Variants in TAB2 observed in about 807,000 individuals in gnomAD.
TAB2 encodes the protein TGF-beta activated kinase 1 (MAP3K7) binding protein 2.
A neutral mutation model predicts 65.0 loss-of-function variants in TAB2; 3 were observed. The ratio of observed to expected loss-of-function variants is 0.05; its 90% confidence interval spans 0.02 to 0.12. The LOEUF is 0.12. Ranked by LOEUF, TAB2 falls within the 10% of genes least tolerant of loss-of-function variation. The pLI is 1.00. For synonymous variants in TAB2, 298 were observed against 285.1 expected, an observed-to-expected ratio of 1.05 and a Z score of -0.46; for missense variants, 623 against 840.3, an observed-to-expected ratio of 0.74 and a Z score of 3.20.
intron 1 of TAB2, among the ~76,000 whole-genome samples, chr6:149,328,200 AT>A (rs752096490): frequency 2.6e-5 from 4 of 152,244 alleles, no homozygotes; most frequent in Non-Finnish European, 4.4e-5. Flanking sequence ...CATAGAGCGT[AT>A]TTCATATGTC....
intron 1 of TAB2, among the ~76,000 whole-genome samples, chr6:149,229,259 G>GT (rs1236201682): frequency 6.6e-6 from 1 of 152,140 alleles, no homozygotes; most frequent in Non-Finnish European, 1.5e-5. Context: ...AAAACATGCA[G>GT]TGTCAGTAAC....
chr6:149,289,779 C>T (rs964664465), intron 1 of TAB2, among the ~76,000 whole-genome samples: 9 of 152,186 alleles, frequency 5.9e-5, no homozygotes, highest in Non-Finnish European at 1.2e-4. Flanking sequence ...CTAAGTTGGT[C>T]GGGCTACAAC....
intron 1 of TAB2, chr6:149,247,808 C>T (rs1777755176): frequency 1.3e-5 from 2 of 152,194 alleles, no homozygotes; most frequent in South Asian, 2.1e-4. Context: ...AAACCCTGGG[C>T]CACGGAACCG....
At position 149,409,897 on chromosome 6, in the gene TAB2, T is replaced by C; in HGVS notation, c.*178T>C. The C allele has an allele frequency of 2.9e-6, 2 of 701,182 alleles. No individual in the cohort carries two copies. The highest frequency in any genetic ancestry group is 3.6e-5 in the African/African-American group (2 of 55,988). The allele number at this position is 701,182 out of a possible 1,614,324, so 43.4% of individuals were successfully genotyped here. On this transcript the variant is annotated 3_prime_UTR_variant, in exon 7 of 7. Coordinates refer to ENST00000637181, the MANE Select transcript of TAB2 (RefSeq NM_001292034.3). Reference sequence around the variant, plus strand: ...CTAATAATACCTCAGTATAATGTCATGAGCAGTTGAAATTCATCACATGAA... The same window carrying C: ...CTAATAATACCTCAGTATAATGTCACGAGCAGTTGAAATTCATCACATGAA...
In TAB2 at chr6:149,321,262, C is replaced by T. The variant is rs573243011; in HGVS notation, c.-90+3247C>T. ...AAATTATATAGAATTTAAATGTATG[C>T]ATGTTCATATGTTTTTGCCTCTGGC... On this transcript the variant is annotated intron_variant, in intron 1 of 6. Transcript: ENST00000637181. The T allele has an allele frequency of 2.0e-5, 3 of 152,236 alleles. No homozygotes were observed. In the South Asian group the frequency reaches 6.2e-4, roughly 32 times the overall value. 9.4% of individuals were successfully genotyped at this position (152,236 alleles called of 1,614,324 possible).
At chr6:149,366,365 A>G (rs1781040415) in intron 1 of TAB2, among the ~76,000 whole-genome samples, 1 of 152,142 alleles carries the variant, frequency 6.6e-6, no homozygotes, top group Non-Finnish European at 1.5e-5. Context: ...TTGGAGATCA[A>G]AGATAAATAC....
rs1326088665 is a variant in TAB2 at position 149,409,625 on chromosome 6, A to G, written c.1988A>G (p.Asp663Gly). Residue 663 changes from aspartate (D) to glycine (G), a missense_variant, in exon 7 of 7, where the codon GAT becomes GGT. Transcript: ENST00000637181. ...KTPKTQDTEDDEGAQWNCTAC... is the reference protein window; with the variant it reads ...KTPKTQDTEDGEGAQWNCTAC... ...CCAAAGACTCAAGACACAGAAGATG[A>G]TGAGGGAGCTCAGTGGAATTGTACC... is the stretch of plus-strand genomic sequence containing the variant. 3.7e-6 allele frequency: 6 copies of G among 1,614,006 alleles called. No individual in the cohort carries two copies. In the African/African-American group the frequency reaches 4.0e-5, roughly 11 times the overall value.
chr6:149,379,891 T>G (rs1042942452), intron 3 of TAB2: 7 of 453,548 alleles, frequency 1.5e-5, no homozygotes, highest in African/African-American at 1.0e-4. Context: ...AGCAACTAGT[T>G]GACTCTCTTG....
chr6:149,232,492 G>A (rs1318648633), intron 1 of TAB2, among the ~76,000 whole-genome samples: 1 of 152,156 alleles, frequency 6.6e-6, no homozygotes, highest in African/African-American at 2.4e-5. Flanking sequence ...CTCTCCAAGT[G>A]TTGAGATTAC....
At chr6:149,358,531 C>T (rs1341190281) in intron 1 of TAB2, among the ~76,000 whole-genome samples, 1 of 152,054 alleles carries the variant, frequency 6.6e-6, no homozygotes, top group Non-Finnish European at 1.5e-5. Context: ...TAGATTATGG[C>T]TCTTTTCTCT....
chr6:149,362,372 G>T (rs1262062047), intron 1 of TAB2, among the ~76,000 whole-genome samples: 3 of 152,160 alleles, frequency 2.0e-5, no homozygotes, highest in African/African-American at 7.2e-5. Flanking sequence ...GGGGAACCTG[G>T]ATATCACATA....
chr6:149,265,647 GA>G (rs2114671288), intron 1 of TAB2, among the ~76,000 whole-genome samples: 1 of 152,256 alleles, frequency 6.6e-6, no homozygotes, highest in East Asian at 1.9e-4. Context: ...AGAATAAAGG[GA>G]CTATAACAGG....
intron 1 of TAB2, among the ~76,000 whole-genome samples, chr6:149,225,471 T>C (rs1777249061): frequency 1.3e-5 from 2 of 152,116 alleles, no homozygotes; most frequent in Admixed American, 1.3e-4. Context: ...TAGTCCAAGG[T>C]TTTTTGACAT....
At chr6:149,255,147 G>T (rs1777992235) in intron 1 of TAB2, 1 of 152,218 alleles carries the variant, frequency 6.6e-6, no homozygotes, top group African/African-American at 2.4e-5. Context: ...GCCTTTGGAA[G>T]GTAATTACGT....
intron 1 of TAB2, among the ~76,000 whole-genome samples, chr6:149,249,447 T>C (rs1219413261): frequency 1.3e-5 from 2 of 152,132 alleles, no homozygotes; most frequent in Non-Finnish European, 2.9e-5. Context: ...CATCTCTGTC[T>C]CTCTCTGTCT....
At chr6:149,398,489 A>G (rs992298796) in intron 5 of TAB2, among the ~76,000 whole-genome samples, 2 of 152,192 alleles carry the variant, frequency 1.3e-5, no homozygotes, top group African/African-American at 4.8e-5. Context: ...ACCAAAAGAG[A>G]AGTCTTTAAT....
In TAB2 at chr6:149,411,506, C is replaced by T. The variant is rs933172228; in HGVS notation, c.*1787C>T. ...GTTTTTACTTGTTTTATTAATAAAA[C>T]GTAATTTGGATATCTTGAGTTGATG... is the stretch of plus-strand genomic sequence containing the variant. On this transcript the variant is annotated 3_prime_UTR_variant, in exon 7 of 7. Transcript: ENST00000637181. 1.8e-4 allele frequency: 28 copies of T among 152,788 alleles called. No individual in the cohort carries two copies. Among genetic ancestry groups the T allele is most frequent in the African/African-American group, 6.8e-4 (28 of 41,372 alleles). The allele number at this position is 152,788 out of a possible 1,614,324, so 9.5% of individuals were successfully genotyped here.
intron 2 of TAB2, chr6:149,372,260 C>T (rs1229776789): frequency 6.6e-6 from 1 of 151,942 alleles, no homozygotes; most frequent in East Asian, 1.9e-4. Flanking sequence ...AGATGCAGAG[C>T]AGAGTATATA....
intron 1 of TAB2, among the ~76,000 whole-genome samples, chr6:149,262,411 T>C (rs1208686215): frequency 6.6e-6 from 1 of 152,014 alleles, no homozygotes; most frequent in Non-Finnish European, 1.5e-5. Context: ...TGGGTGCCTG[T>C]AATCCCAGCT....
Sources: gnomAD v4.1 joint callset for allele counts (sites outside exome capture counted in the v4.1 genomes callset) on GRCh38, gnomAD v4.1.1 for gene constraint, MANE v1.5 for transcripts, NCBI Gene and HGNC (gene_info 2026-07-23, HGNC 2026-07-21) for gene names.